The following BAHD1 variants were observed in gnomAD, a reference collection of about 807,000 sequenced individuals.
The protein encoded by BAHD1 is bromo adjacent homology domain containing 1.
BAHD1 carries 20 observed loss-of-function variants against 63.1 expected under a neutral mutation model. The ratio of observed to expected loss-of-function variants is 0.32; its 90% CI spans 0.22 to 0.46. The LOEUF (loss-of-function observed/expected upper bound fraction) is 0.46, where lower values mean the gene tolerates loss of function less well. BAHD1 is among the 20% of genes least tolerant of loss of function. BAHD1 has a pLI of 1.00. For synonymous variants in BAHD1, 408 were observed against 426.8 expected, an observed-to-expected ratio of 0.96 and a Z score of 0.54; for missense variants, 939 against 1,071.8, an observed-to-expected ratio of 0.88 and a Z score of 1.73.
chr15:40,463,548 C>CT (rs1894112818), intron 3 of BAHD1, among the ~76,000 whole-genome samples: 1 of 152,202 alleles, frequency 6.6e-6, no homozygotes, highest in Non-Finnish European at 1.5e-5. Flanking sequence ...CAGACCGAGA[C>CT]TTGTTCCATT....
chr15:40,447,498 CAG>C (rs886174591), intron 1 of BAHD1, among the ~76,000 whole-genome samples: 10 of 151,620 alleles, frequency 6.6e-5, no homozygotes, highest in African/African-American at 1.9e-4. Context: ...ACCCAGGAGA[CAG>C]AGGTTGCAGA....
intron 1 of BAHD1, among the ~76,000 whole-genome samples, chr15:40,447,695 G>A (rs115340013): frequency 0.013 from 1,976 of 152,272 alleles, 38 homozygotes; most frequent in African/African-American, 0.045. Context: ...GAGGGAGGTA[G>A]ACAAGGGGCA....
intron 1 of BAHD1, among the ~76,000 whole-genome samples, chr15:40,457,292 A>G: frequency 6.6e-6 from 1 of 151,658 alleles, no homozygotes; most frequent in Non-Finnish European, 1.5e-5. Flanking sequence ...GGTTTTCTCT[A>G]CCCCCAGGAA....
chr15:40,444,694 A>T (rs1397771404), intron 1 of BAHD1, among the ~76,000 whole-genome samples: 2 of 151,698 alleles, frequency 1.3e-5, no homozygotes, highest in African/African-American at 4.9e-5. Flanking sequence ...CCCACATTGG[A>T]CCCCTCATAA....
At chr15:40,451,092 C>T (rs555926754) in intron 1 of BAHD1, among the ~76,000 whole-genome samples, 150 of 132,916 alleles carry the variant, frequency 1.1e-3, no homozygotes, top group African/African-American at 4.3e-3. Flanking sequence ...TGCAGTGAGC[C>T]GAGATCACGC....
chr15:40,443,877 GCCATA>G (rs1193897459), intron 1 of BAHD1, among the ~76,000 whole-genome samples: 1 of 152,006 alleles, frequency 6.6e-6, no homozygotes, highest in Non-Finnish European at 1.5e-5. Flanking sequence ...CTCTTCCCTA[GCCATA>G]CCATGCACAT....
At chr15:40,446,940 G>A (rs888828313) in intron 1 of BAHD1, among the ~76,000 whole-genome samples, 15 of 152,270 alleles carry the variant, frequency 9.9e-5, no homozygotes, top group East Asian at 3.9e-4. Context: ...AGCTTCCTGC[G>A]TGCAGTGGAG....
Position 40,464,640 on chromosome 15 carries a change from C to CT in BAHD1, c.2052+94dup, listed in dbSNP as rs989203694. The CT allele has an allele frequency of 2.9e-4, 313 of 1,079,270 alleles. 1 individual carries two copies. The highest frequency in any genetic ancestry group is 2.5e-4 in the Non-Finnish European group (184 of 724,080). The allele number at this position is 1,079,270 out of a possible 1,614,324, so 66.9% of individuals were successfully genotyped here. A position where few individuals can be genotyped will look rare whatever the true frequency, so the allele number is the denominator to read the frequency against. On this transcript the variant is annotated intron_variant, in intron 5 of 6. Transcript: ENST00000416165. Reference sequence around the variant, plus strand: ...GTGGTAGGGGGAGGGCAGCCATGGGCTGTAGTCAAATCCCTGCGCTTGTCA... The same window carrying CT: ...GTGGTAGGGGGAGGGCAGCCATGGGCTTGTAGTCAAATCCCTGCGCTTGTCA...
upstream of BAHD1, among the ~76,000 whole-genome samples, chr15:40,440,844 G>A (rs575093788): frequency 2.0e-5 from 3 of 152,202 alleles, no homozygotes; most frequent in South Asian, 2.1e-4. Context: ...GGCTGGCGGA[G>A]CCAGCGCAGG....
At chr15:40,447,259 T>TA (rs1331212884) in intron 1 of BAHD1, among the ~76,000 whole-genome samples, 1 of 152,024 alleles carries the variant, frequency 6.6e-6, no homozygotes, top group African/African-American at 2.4e-5. Context: ...GGCTAGAATG[T>TA]AAAAAAGAAT....
intron 1 of BAHD1, among the ~76,000 whole-genome samples, chr15:40,442,348 C>T (rs531837763): frequency 1.7e-4 from 26 of 152,106 alleles, no homozygotes; most frequent in African/African-American, 6.3e-4. Flanking sequence ...TGGCTTGCCG[C>T]TCTAGCCGCT....
At chr15:40,439,072 G>C (rs372277909), upstream of BAHD1, among the ~76,000 whole-genome samples, 81 of 152,284 alleles carry the variant, frequency 5.3e-4, no homozygotes, top group African/African-American at 1.1e-3. Flanking sequence ...GTGTGTGTTG[G>C]GGGGGCGCTG....
At chr15:40,445,244 G>A (rs1893503790) in intron 1 of BAHD1, among the ~76,000 whole-genome samples, 1 of 132,204 alleles carries the variant, frequency 7.6e-6, no homozygotes. Context: ...ACTAGAGAGA[G>A]CTCCTTTTGG....
chr15:40,445,376 G>A (rs1241185287), intron 1 of BAHD1, among the ~76,000 whole-genome samples: 1 of 151,822 alleles, frequency 6.6e-6, no homozygotes, highest in Non-Finnish European at 1.5e-5. Flanking sequence ...CAGCCTCCTA[G>A]CATACATACT....
intron 1 of BAHD1, among the ~76,000 whole-genome samples, chr15:40,451,472 G>A (rs140875226): frequency 6.6e-6 from 1 of 152,350 alleles, no homozygotes; most frequent in Non-Finnish European, 1.5e-5. Context: ...ACTTAGTCTG[G>A]TGCTTGTAGG....
At chr15:40,453,064 G>T (rs1893752029) in intron 1 of BAHD1, among the ~76,000 whole-genome samples, 1 of 152,218 alleles carries the variant, frequency 6.6e-6, no homozygotes, top group Non-Finnish European at 1.5e-5. Flanking sequence ...GGCCAGCCAG[G>T]GCCAGCTGCC....
chr15:40,461,686 TC>T (rs1894045670), intron 2 of BAHD1, among the ~76,000 whole-genome samples: 1 of 151,476 alleles, frequency 6.6e-6, no homozygotes, highest in African/African-American at 2.4e-5. Context: ...CAACCACCTC[TC>T]TTTCAGACTA....
At chr15:40,465,663 G>A (rs537308668) in intron 6 of BAHD1, among the ~76,000 whole-genome samples, 72 of 152,354 alleles carry the variant, frequency 4.7e-4, no homozygotes, top group Non-Finnish European at 8.7e-4. Flanking sequence ...AATGGTTGGA[G>A]CAGAGTTGGG....
intron 1 of BAHD1, among the ~76,000 whole-genome samples, chr15:40,449,900 C>A (rs548151330): frequency 6.6e-6 from 1 of 151,094 alleles, no homozygotes; most frequent in East Asian, 2.0e-4. Flanking sequence ...CCTATTGTAA[C>A]CTTGTTGCAC....
Sources: allele counts gnomAD v4.1 joint callset (sites outside exome capture counted in the v4.1 genomes callset), GRCh38; gene constraint gnomAD v4.1.1; transcripts MANE v1.5; gene names NCBI Gene and HGNC (gene_info 2026-07-23, HGNC 2026-07-21).